KIAA1328: variants seen among roughly 807,000 people sequenced by gnomAD.
KIAA1328 encodes KIAA1328.
Under a neutral mutation model 68.1 loss-of-function variants are expected in KIAA1328, and 52 were observed. That is an observed-to-expected ratio of 0.76 (90% CI 0.61 to 0.96). KIAA1328 has a LOEUF of 0.96. Among genes scored for constraint, KIAA1328 ranks in the 40% least tolerant of loss-of-function variants. KIAA1328 has a pLI of 0.00. For missense variants in KIAA1328, 641 were observed against 677.6 expected (o/e 0.95, Z 0.60); for synonymous variants, 232 against 239.4 (o/e 0.97, Z 0.28).
At chr18:36,896,025 T>C (rs2048856902) in intron 5 of KIAA1328, among the ~76,000 whole-genome samples, 1 of 152,148 alleles carries the variant, frequency 6.6e-6, no homozygotes. Flanking sequence ...TCCCAGTCTG[T>C]GGTATTTTGT....
intron 4 of KIAA1328, among the ~76,000 whole-genome samples, chr18:36,861,281 G>A (rs1439880000): frequency 6.6e-6 from 1 of 152,022 alleles, no homozygotes; most frequent in African/African-American, 2.4e-5. Flanking sequence ...TATATCGGGT[G>A]TACATGAGGT....
chr18:36,914,342 G>A (rs1472893452), intron 5 of KIAA1328, among the ~76,000 whole-genome samples: 1 of 152,136 alleles, frequency 6.6e-6, no homozygotes, highest in African/African-American at 2.4e-5. Flanking sequence ...TTAGCTTTAA[G>A]TTTTGATTAT....
chr18:36,949,727 T>C (rs1245063347), intron 5 of KIAA1328, among the ~76,000 whole-genome samples: 1 of 151,880 alleles, frequency 6.6e-6, no homozygotes, highest in African/African-American at 2.4e-5. Context: ...TTTGTTCAGG[T>C]GATCAAACAG....
intron 4 of KIAA1328, among the ~76,000 whole-genome samples, chr18:36,879,959 G>T (rs533417591): frequency 6.6e-6 from 1 of 152,192 alleles, no homozygotes; most frequent in Admixed American, 6.5e-5. Flanking sequence ...ATCTTAGCTT[G>T]TTGGGCTCTG....
intron 1 of KIAA1328, 200 bp downstream of exon 1, chr18:36,829,396 AG>A: frequency 7.4e-7 from 1 of 1,355,444 alleles, no homozygotes; most frequent in Non-Finnish European, 9.4e-7. Flanking sequence ...TACTGTCTGC[AG>A]GTGTGGGGAC....
chr18:36,984,565 G>A (rs1450492371), intron 6 of KIAA1328, among the ~76,000 whole-genome samples: 1 of 152,128 alleles, frequency 6.6e-6, no homozygotes, highest in Non-Finnish European at 1.5e-5. Flanking sequence ...CAAAGACCTA[G>A]ACACTTAAAA....
At chr18:36,902,134 C>T (rs1324042215) in intron 5 of KIAA1328, 9 of 151,568 alleles carry the variant, frequency 5.9e-5, no homozygotes, top group Non-Finnish European at 1.2e-4. Context: ...GTTGCCAGAC[C>T]GGACATCATA....
chr18:36,844,947 T>C (rs1302022700), intron 4 of KIAA1328, among the ~76,000 whole-genome samples: 1 of 151,808 alleles, frequency 6.6e-6, no homozygotes, highest in Non-Finnish European at 1.5e-5. Context: ...TACCTAAAAG[T>C]TGATAAAAGT....
chr18:36,965,297 T>C (rs920484127), intron 6 of KIAA1328, among the ~76,000 whole-genome samples: 13 of 151,904 alleles, frequency 8.6e-5, no homozygotes, highest in Non-Finnish European at 1.8e-4. Flanking sequence ...ACTTGTTCCA[T>C]ATTTCTTAGT....
chr18:36,952,973 CA>C (rs1038183218), intron 5 of KIAA1328, among the ~76,000 whole-genome samples: 2 of 146,370 alleles, frequency 1.4e-5, no homozygotes, highest in Non-Finnish European at 3.0e-5. Context: ...GAGAGAAACA[CA>C]AAAAAAGCAA....
intron 5 of KIAA1328, among the ~76,000 whole-genome samples, chr18:36,912,804 T>A (rs1031834795): frequency 2.0e-5 from 3 of 152,212 alleles, no homozygotes; most frequent in African/African-American, 7.2e-5. Flanking sequence ...CTGAGAATGA[T>A]CTTTCCTAAG....
At chr18:37,209,798 A>G (rs934696955) in intron 9 of KIAA1328, among the ~76,000 whole-genome samples, 1 of 152,276 alleles carries the variant, frequency 6.6e-6, no homozygotes, top group East Asian at 1.9e-4. Context: ...TGAGATGCCC[A>G]TTACACTTCC....
intron 7 of KIAA1328, among the ~76,000 whole-genome samples, chr18:37,142,801 G>A (rs191897894): frequency 1.8e-4 from 28 of 151,854 alleles, no homozygotes; most frequent in African/African-American, 6.8e-4. Context: ...TCTGTTCTAG[G>A]TTCTCTACAT....
rs199667009 is a variant in KIAA1328 at position 37,051,535 on chromosome 18, G to A, written c.577-15355G>A. ...TGAAATCCTAAACAGACCAAATAAC[G>A]AGTTATGAAATTGAATCAGTAATAA... is the stretch of plus-strand genomic sequence containing the variant. On this transcript the variant is annotated intron_variant, in intron 6 of 9. Transcript: ENST00000280020. Among the ~76,000 whole-genome samples, 3 of 152,154 alleles carry A rather than the reference G, an allele frequency of 2.0e-5. No individual in the cohort carries two copies. The East Asian group carries it at 5.8e-4, about 29-fold the overall frequency.
chr18:37,020,673 T>C (rs972702721), intron 6 of KIAA1328, among the ~76,000 whole-genome samples: 1 of 152,206 alleles, frequency 6.6e-6, no homozygotes, highest in Non-Finnish European at 1.5e-5. Flanking sequence ...AATTTAATCC[T>C]GTCTCTTGGC....
At chr18:36,995,766 GA>G (rs1170774073) in intron 6 of KIAA1328, among the ~76,000 whole-genome samples, 1 of 152,196 alleles carries the variant, frequency 6.6e-6, no homozygotes, top group East Asian at 1.9e-4. Flanking sequence ...AAAAACTCTA[GA>G]TAAATATGCC....
At chr18:37,204,991 C>A (rs895609282) in intron 9 of KIAA1328, among the ~76,000 whole-genome samples, 16 of 148,760 alleles carry the variant, frequency 1.1e-4, no homozygotes, top group African/African-American at 3.8e-4. Flanking sequence ...TTGTTTTAAA[C>A]CAAAGGCACC....
intron 7 of KIAA1328, among the ~76,000 whole-genome samples, chr18:37,153,715 C>A (rs1340312651): frequency 5.0e-5 from 7 of 138,882 alleles, no homozygotes; most frequent in African/African-American, 1.6e-4. Context: ...AGAAACTGGA[C>A]AATATAGCAA....
chr18:37,130,453 A>G (rs2058495471), intron 7 of KIAA1328, among the ~76,000 whole-genome samples: 1 of 152,088 alleles, frequency 6.6e-6, no homozygotes, highest in African/African-American at 2.4e-5. Context: ...CCCTGTCTCT[A>G]CTAAAAATAC....
Sources: allele counts gnomAD v4.1 joint callset (sites outside exome capture counted in the v4.1 genomes callset), GRCh38; gene constraint gnomAD v4.1.1; transcripts MANE v1.5; gene names NCBI Gene and HGNC (gene_info 2026-07-23, HGNC 2026-07-21).